NAV2: variants seen among roughly 807,000 people sequenced by gnomAD.
NAV2 encodes the protein helicase, APC down-regulated 1.
NAV2 carries 54 observed loss-of-function variants against 223.2 expected under a neutral mutation model. The ratio of observed to expected loss-of-function variants is 0.24; its 90% confidence interval spans 0.19 to 0.30. NAV2 has a LOEUF of 0.30. Among genes scored for constraint, NAV2 ranks in the 10% least tolerant of loss-of-function variants. The pLI, the probability that NAV2 is intolerant of heterozygous loss-of-function variation, is 1.00. For synonymous variants in NAV2, 1,279 were observed against 1,239.3 expected, an observed-to-expected ratio of 1.03 and a Z score of -0.67; for missense variants, 2,806 against 3,147.5, an observed-to-expected ratio of 0.89 and a Z score of 2.60.
intron 1 of NAV2, among the ~76,000 whole-genome samples, chr11:19,665,525 T>A (rs938890338): frequency 3.9e-5 from 6 of 152,230 alleles, no homozygotes; most frequent in Non-Finnish European, 7.3e-5. Context: ...AACTGGCTCT[T>A]CTGTAAAATG....
intron 1 of NAV2, among the ~76,000 whole-genome samples, chr11:19,630,936 A>C (rs868333175): frequency 4.1e-5 from 6 of 147,492 alleles, no homozygotes; most frequent in Admixed American, 6.8e-5. Context: ...AAAAAAAAAA[A>C]AGGAAAAAAG....
intron 1 of NAV2, among the ~76,000 whole-genome samples, chr11:19,402,681 T>G (rs1195762942): frequency 2.6e-5 from 4 of 152,238 alleles, no homozygotes; most frequent in Non-Finnish European, 5.9e-5. Flanking sequence ...GATAACAGAA[T>G]GAATGCAGGA....
intron 20 of NAV2, among the ~76,000 whole-genome samples, chr11:20,067,748 C>T (rs1156485591): frequency 6.6e-6 from 1 of 151,830 alleles, no homozygotes; most frequent in Non-Finnish European, 1.5e-5. Flanking sequence ...CCTCAGCCTC[C>T]CAAAGTACTG....
At chr11:19,714,020 G>A in intron 1 of NAV2, 58 bp downstream of exon 1, 1 of 1,585,132 alleles carries the variant, frequency 6.3e-7, no homozygotes. Flanking sequence ...TAGTTCTTTC[G>A]GGATGGTGTG....
intron 26 of NAV2, among the ~76,000 whole-genome samples, chr11:20,089,408 C>T (rs895509657): frequency 2.2e-4 from 34 of 152,214 alleles, no homozygotes; most frequent in African/African-American, 7.0e-4. Context: ...TCTCTTTTAA[C>T]AATTTTATAA....
chr11:19,350,646 A>G (rs1186070197), upstream of NAV2: 2 of 413,542 alleles, frequency 4.8e-6, no homozygotes, highest in Non-Finnish European at 9.0e-6. Flanking sequence ...CAGGATATGG[A>G]CTTGTCTTTG....
chr11:19,509,617 C>T (rs1179097825), intron 1 of NAV2, among the ~76,000 whole-genome samples: 1 of 152,176 alleles, frequency 6.6e-6, no homozygotes, highest in Non-Finnish European at 1.5e-5. Flanking sequence ...TGAGAGCAGG[C>T]ACTGCGATAA....
chr11:19,479,447 G>A (rs1436926078), intron 1 of NAV2, among the ~76,000 whole-genome samples: 2 of 152,142 alleles, frequency 1.3e-5, no homozygotes, highest in African/African-American at 2.4e-5. Context: ...GCCAGATGCC[G>A]TGCTAAGTGC....
Position 20,118,024 on chromosome 11 carries a change from G to A in NAV2, c.7165-109G>A, listed in dbSNP as rs2063273276. On this transcript the variant is annotated intron_variant, in intron 37 of 37. Coordinates refer to ENST00000349880, the MANE Select transcript of NAV2 (RefSeq NM_145117.5). ...TGTTCTTGTCCACTGCCTCCACTGTGGGCTGTTATCCCAGGTGAGTCTGGA... is the reference window on the plus strand; with the variant it reads ...TGTTCTTGTCCACTGCCTCCACTGTAGGCTGTTATCCCAGGTGAGTCTGGA... 3.2e-6 allele frequency: 4 copies of A among 1,257,510 alleles called. No homozygotes were observed. In the Admixed American group the frequency reaches 6.1e-5, roughly 19 times the overall value. 77.9% of individuals were successfully genotyped at this position (1,257,510 alleles called of 1,614,324 possible).
At chr11:19,561,349 A>T in intron 1 of NAV2, among the ~76,000 whole-genome samples, 1 of 152,010 alleles carries the variant, frequency 6.6e-6, no homozygotes, top group Non-Finnish European at 1.5e-5. Context: ...GGGAAGGGGG[A>T]CACTGCTGGG....
In NAV2 at chr11:19,947,906, C is replaced by G. The variant is rs1470553955; in HGVS notation, c.2256-785C>G. ...TGTCCACTGCTCAGTTGGGAGGGAG[C>G]TGAGGATGTAAAATGTGGTATTAGG... On this transcript the variant is annotated intron_variant, in intron 9 of 37. Transcript: ENST00000349880. Among the ~76,000 whole-genome samples, 6 of 152,008 alleles carry G rather than the reference C, an allele frequency of 3.9e-5. No homozygotes were observed. The East Asian group carries it at 1.2e-3, about 29-fold the overall frequency.
At chr11:19,437,189 C>T (rs1177519519) in intron 1 of NAV2, among the ~76,000 whole-genome samples, 1 of 152,302 alleles carries the variant, frequency 6.6e-6, no homozygotes, top group East Asian at 1.9e-4. Flanking sequence ...CTACTACTAT[C>T]AACTCATTTA....
chr11:19,636,063 G>A (rs1002770890), intron 1 of NAV2, among the ~76,000 whole-genome samples: 1 of 152,212 alleles, frequency 6.6e-6, no homozygotes, highest in Non-Finnish European at 1.5e-5. Flanking sequence ...ACTTATCTGA[G>A]AGCTGTTTTC....
chr11:19,409,894 G>T (rs1190551226), intron 1 of NAV2, among the ~76,000 whole-genome samples: 3 of 152,154 alleles, frequency 2.0e-5, no homozygotes, highest in African/African-American at 4.8e-5. Context: ...GAGTTGGAGA[G>T]AAATGACTGA....
intron 11 of NAV2, among the ~76,000 whole-genome samples, chr11:19,995,442 C>A (rs1309665005): frequency 6.6e-6 from 1 of 152,206 alleles, no homozygotes; most frequent in African/African-American, 2.4e-5. Flanking sequence ...GTGGGGCCCC[C>A]TCTTGTGCAG....
intron 1 of NAV2, among the ~76,000 whole-genome samples, chr11:19,782,598 G>C (rs549175501): frequency 6.6e-6 from 1 of 152,072 alleles, no homozygotes; most frequent in African/African-American, 2.4e-5. Flanking sequence ...TTTTCTTCAG[G>C]GTCTCTAAGA....
intron 1 of NAV2, among the ~76,000 whole-genome samples, chr11:19,678,949 C>T (rs1318373002): frequency 6.6e-6 from 1 of 152,230 alleles, no homozygotes; most frequent in Non-Finnish European, 1.5e-5. Flanking sequence ...CAGGCCAGAT[C>T]AGCTGTGGCA....
rs531893249 is a variant in NAV2, at chr11:19,910,638, T to C, written c.931+18044T>C. ...CTTTGGGAGGCCGAGGCAGGCTGAT[T>C]GCCTGAGCTCAGGAGTCCAAGACCA... On this transcript the variant is annotated intron_variant, in intron 6 of 37. Coordinates refer to ENST00000349880, the MANE Select transcript of NAV2 (RefSeq NM_145117.5). Among the ~76,000 whole-genome samples the C allele has an allele frequency of 1.9e-4, 29 of 152,278 alleles. No individual in the cohort carries two copies. The East Asian group carries it at 5.4e-3, about 28-fold the overall frequency.
chr11:19,761,145 A>G (rs1590354835), intron 1 of NAV2, among the ~76,000 whole-genome samples: 1 of 152,112 alleles, frequency 6.6e-6, no homozygotes, highest in African/African-American at 2.4e-5. Context: ...CAAGTTTGCT[A>G]TGGATGTCCA....
Sources: allele counts gnomAD v4.1 joint callset (sites outside exome capture counted in the v4.1 genomes callset), GRCh38; gene constraint gnomAD v4.1.1; transcripts MANE v1.5; gene names NCBI Gene and HGNC (gene_info 2026-07-23, HGNC 2026-07-21).